CDIN1: variants seen among roughly 807,000 people sequenced by gnomAD.
CDIN1 encodes the protein CDAN1-interacting nuclease 1.
CDIN1 carries 33 observed loss-of-function variants against 45.3 expected under a neutral mutation model. The observed-to-expected ratio is 0.73, with a 90% confidence interval of 0.55 to 0.97. The LOEUF (loss-of-function observed/expected upper bound fraction) is 0.97, where lower values mean the gene tolerates loss of function less well. CDIN1 is among the 50% of genes least tolerant of loss of function. The pLI, the probability that CDIN1 is intolerant of heterozygous loss-of-function variation, is 0.00. For synonymous variants in CDIN1, 118 were observed against 124.4 expected (o/e 0.95, Z 0.34); for missense variants, 303 against 339.4 (o/e 0.89, Z 0.84).
chr15:36,733,331 T>C (rs1566937666), intron 10 of CDIN1, among the ~76,000 whole-genome samples: 1 of 152,096 alleles, frequency 6.6e-6, no homozygotes, highest in East Asian at 1.9e-4. Flanking sequence ...TTTTAAAACC[T>C]GCATTTACTT....
At chr15:36,707,324 A>G (rs555316862) in intron 8 of CDIN1, 3 of 152,120 alleles carry the variant, frequency 2.0e-5, no homozygotes, top group Admixed American at 2.0e-4. Context: ...GGGTGTGTGT[A>G]TGTGAGAGAG....
chr15:36,635,722 A>T (rs112381604), intron 1 of CDIN1, among the ~76,000 whole-genome samples: 3 of 152,258 alleles, frequency 2.0e-5, no homozygotes, highest in Non-Finnish European at 4.4e-5. Flanking sequence ...TCGGGGAGTT[A>T]TAAAAGAAAT....
intron 5 of CDIN1, among the ~76,000 whole-genome samples, chr15:36,689,504 G>C (rs2042167607): frequency 6.6e-6 from 1 of 152,104 alleles, no homozygotes; most frequent in Non-Finnish European, 1.5e-5. Context: ...TTAGGCCTCT[G>C]CTGGCATTAT....
chr15:36,808,603 C>T lies in CDIN1; in HGVS notation c.*150C>T. 9.5e-7 allele frequency: 1 copy of T among 1,056,410 alleles called. No individual in the cohort carries two copies. Among genetic ancestry groups the T allele is most frequent in the Non-Finnish European group, 1.3e-6 (1 of 742,506 alleles). 65.4% of individuals were successfully genotyped at this position (1,056,410 alleles called of 1,614,324 possible). ...TCACACCACTACCTCTTTAGACAAA[C>T]ATATCAAGAGTTTCTGTTTTCCTTC... On this transcript the variant is annotated 3_prime_UTR_variant, in exon 11 of 11. Transcript: ENST00000566621.
chr15:36,738,305 T>C (rs1595538842), intron 10 of CDIN1, among the ~76,000 whole-genome samples: 2 of 152,202 alleles, frequency 1.3e-5, no homozygotes, highest in African/African-American at 4.8e-5. Context: ...TAGCCATATC[T>C]GAATTCCAGA....
At chr15:36,659,116 C>G (rs2040891408) in intron 5 of CDIN1, among the ~76,000 whole-genome samples, 1 of 152,138 alleles carries the variant, frequency 6.6e-6, no homozygotes. Context: ...CTATCCAGGT[C>G]TTGTCAAAAT....
At chr15:36,597,595 A>G (rs968235510) in intron 1 of CDIN1, among the ~76,000 whole-genome samples, 1 of 152,192 alleles carries the variant, frequency 6.6e-6, no homozygotes, top group South Asian at 2.1e-4. Context: ...GGAGATTGGA[A>G]CTTTACTATT....
chr15:36,793,521 T>A (rs1441949704), intron 10 of CDIN1, among the ~76,000 whole-genome samples: 1 of 152,198 alleles, frequency 6.6e-6, no homozygotes, highest in African/African-American at 2.4e-5. Context: ...TAAATTACTG[T>A]ACACTTTGTG....
intron 5 of CDIN1, among the ~76,000 whole-genome samples, chr15:36,682,057 C>A (rs1018020338): frequency 1.3e-5 from 2 of 151,602 alleles, no homozygotes; most frequent in African/African-American, 4.9e-5. Flanking sequence ...AGAAACAGAA[C>A]CAATAGGAGG....
intron 5 of CDIN1, among the ~76,000 whole-genome samples, chr15:36,664,801 C>T (rs1294266976): frequency 1.3e-5 from 2 of 152,220 alleles, no homozygotes; most frequent in Non-Finnish European, 2.9e-5. Context: ...CCGCCTTGGC[C>T]TCCCAAAGTG....
intron 5 of CDIN1, among the ~76,000 whole-genome samples, chr15:36,669,521 C>T (rs912537239): frequency 1.3e-5 from 2 of 151,996 alleles, no homozygotes; most frequent in Non-Finnish European, 2.9e-5. Flanking sequence ...TTTTAGTTAT[C>T]CCTAATGTTA....
chr15:36,625,686 C>T (rs1202256925), intron 1 of CDIN1, among the ~76,000 whole-genome samples: 1 of 152,146 alleles, frequency 6.6e-6, no homozygotes, highest in Non-Finnish European at 1.5e-5. Context: ...GAGTTGAACT[C>T]GGGAGAGCCT....
Position 36,712,260 on chromosome 15 carries a change from CT to C in CDIN1, c.716+2322del, listed in dbSNP as rs780494427. Among the ~76,000 whole-genome samples the C allele has an allele frequency of 9.4e-3, 725 of 77,342 alleles. 1 individual carries two copies. Among genetic ancestry groups the C allele is most frequent in the African/African-American group, 0.033 (633 of 19,446 alleles). The allele number at this position is 77,342 out of a possible 152,430, so 50.7% of individuals were successfully genotyped here. ...TTCAATTACTATTTATAGACTAATG[CT>C]TTTTTTTTTTTTTTTTTTTTTTGAG... On this transcript the variant is annotated intron_variant, in intron 10 of 10. Transcript: ENST00000566621.
At chr15:36,580,745 G>C (rs2037006137) in intron 1 of CDIN1, among the ~76,000 whole-genome samples, 1 of 152,206 alleles carries the variant, frequency 6.6e-6, no homozygotes, top group African/African-American at 2.4e-5. Flanking sequence ...CTGTATTTAT[G>C]TTGTGTTAAA....
At chr15:36,582,325 T>C (rs979146990) in intron 1 of CDIN1, among the ~76,000 whole-genome samples, 4 of 152,242 alleles carry the variant, frequency 2.6e-5, no homozygotes, top group Non-Finnish European at 5.9e-5. Context: ...ATGAAGTATA[T>C]GTGCTTTGTA....
chr15:36,617,913 C>T lies in CDIN1; in HGVS notation c.102-26365C>T, dbSNP rs185822895. ...ATGGCAAGGATAAAAGCCATCAATACATTTTTTGCTAAGAATTGTTACTAA... is the reference window on the plus strand; with the variant it reads ...ATGGCAAGGATAAAAGCCATCAATATATTTTTTGCTAAGAATTGTTACTAA... On this transcript the variant is annotated intron_variant, in intron 1 of 10. Transcript: ENST00000566621. 95 of 765,464 alleles carry T rather than the reference C, an allele frequency of 1.2e-4. No homozygotes were observed. The African/African-American group carries it at 1.5e-3, about 12-fold the overall frequency. 47.4% of individuals were successfully genotyped at this position (765,464 alleles called of 1,614,324 possible). A position where few individuals can be genotyped will look rare whatever the true frequency, so the allele number is the denominator to read the frequency against.
chr15:36,637,035 T>A lies in CDIN1; in HGVS notation c.102-7243T>A, dbSNP rs143251603. On this transcript the variant is annotated intron_variant, in intron 1 of 10. Coordinates refer to ENST00000566621, the MANE Select transcript of CDIN1 (RefSeq NM_001321759.2). ...AAACCTGAATATATCAGTACTTACA[T>A]TGAATGTACCTGGTTTAGCTACAGT... Among the ~76,000 whole-genome samples the A allele has an allele frequency of 8.8e-4, 134 of 152,338 alleles. 1 individual carries two copies. The highest frequency in any genetic ancestry group is 3.0e-3 in the African/African-American group (125 of 41,570).
At chr15:36,718,785 T>G (rs1271803964) in intron 10 of CDIN1, among the ~76,000 whole-genome samples, 1 of 148,334 alleles carries the variant, frequency 6.7e-6, no homozygotes, top group Non-Finnish European at 1.5e-5. Flanking sequence ...TTATAAAGAC[T>G]ATTTTACTTC....
At chr15:36,657,935 CTT>C (rs777848881) in intron 5 of CDIN1, 30 bp downstream of exon 5, 6 of 1,532,780 alleles carry the variant, frequency 3.9e-6, no homozygotes, top group Non-Finnish European at 5.4e-6. Flanking sequence ...TAATGGTACT[CTT>C]TTACTCCCTT....
Sources: allele counts gnomAD v4.1 joint callset (sites outside exome capture counted in the v4.1 genomes callset), GRCh38; gene constraint gnomAD v4.1.1; transcripts MANE v1.5; gene names NCBI Gene and HGNC (gene_info 2026-07-23, HGNC 2026-07-21).